JAKMIP1: variants seen among roughly 807,000 people sequenced by gnomAD.
The protein encoded by JAKMIP1 is janus kinase and microtubule interacting protein 1.
JAKMIP1 carries 33 observed loss-of-function variants against 113.0 expected under a neutral mutation model. The ratio of observed to expected loss-of-function variants is 0.29; its 90% CI spans 0.22 to 0.39. The LOEUF (loss-of-function observed/expected upper bound fraction) is 0.39, where lower values mean the gene tolerates loss of function less well. JAKMIP1 is among the 10% of genes least tolerant of loss of function. JAKMIP1 has a pLI of 1.00. For missense variants in JAKMIP1, 813 were observed against 1,080.5 expected, an observed-to-expected ratio of 0.75 and a Z score of 3.47; for synonymous variants, 480 against 459.9, an observed-to-expected ratio of 1.04 and a Z score of -0.56.
chr4:6,037,766 C>A (rs1023084999), intron 18 of JAKMIP1, among the ~76,000 whole-genome samples: 1 of 149,106 alleles, frequency 6.7e-6, no homozygotes, highest in Non-Finnish European at 1.5e-5. Context: ...CCCTCCATCA[C>A]TGAGTCAGAG....
At chr4:6,070,488 C>T (rs545817730) in intron 8 of JAKMIP1, among the ~76,000 whole-genome samples, 3 of 152,348 alleles carry the variant, frequency 2.0e-5, no homozygotes, top group Admixed American at 6.5e-5. Context: ...AGGGTGCCTT[C>T]GTCACAGAGG....
Position 6,108,425 on chromosome 4 carries a change from G to A in JAKMIP1, c.130-2458C>T, listed in dbSNP as rs114504911. Among the ~76,000 whole-genome samples the A allele has an allele frequency of 8.1e-4, 123 of 152,248 alleles. No homozygotes were observed. Among genetic ancestry groups the A allele is most frequent in the African/African-American group, 2.8e-3 (117 of 41,546 alleles). Reference sequence around the variant, plus strand: ...ACTCTAAATGCAGCCACGGCACAAAGGCCAAGAGAGGGAGCATGCCCTGGG... The same window carrying A: ...ACTCTAAATGCAGCCACGGCACAAAAGCCAAGAGAGGGAGCATGCCCTGGG... On this transcript the variant is annotated intron_variant, in intron 2 of 20. Transcript: ENST00000409021. This position sits in a 1 kb window ranked among gnomAD's most constrained non-coding sequence, Gnocchi z 5.6.
At chr4:6,083,920 T>C (rs1362015694) in intron 5 of JAKMIP1, among the ~76,000 whole-genome samples, 1 of 152,230 alleles carries the variant, frequency 6.6e-6, no homozygotes, top group Non-Finnish European at 1.5e-5. Flanking sequence ...TTCATTATTT[T>C]TAAAATTAAT....
chr4:6,147,480 C>T (rs1720998784), intron 1 of JAKMIP1, among the ~76,000 whole-genome samples: 2 of 152,236 alleles, frequency 1.3e-5, no homozygotes, highest in Non-Finnish European at 2.9e-5. Flanking sequence ...ACAGCCTCGT[C>T]TGTCTCCCAG....
chr4:6,077,126 G>A (rs1486377604), intron 8 of JAKMIP1, among the ~76,000 whole-genome samples: 1 of 152,146 alleles, frequency 6.6e-6, no homozygotes, highest in Non-Finnish European at 1.5e-5. Flanking sequence ...AAGATAGGTC[G>A]AGGTCCTAAT....
Position 6,191,948 on chromosome 4 carries a change from T to TATTTATTTATTC in JAKMIP1, c.-148+8304_-148+8305insGAATAAATAAAT, listed in dbSNP as rs1578519044. On this transcript the variant is annotated intron_variant, in intron 1 of 20. Coordinates refer to ENST00000409021, the MANE Select transcript of JAKMIP1 (RefSeq NM_001099433.2). ...TTATTTATTTATTTATTTATTTATT[T>TATTTATTTATTC]TGAGATGGAGTTTCGCTCTTGTCAC... Among the ~76,000 whole-genome samples, 8 of 152,022 alleles carry TATTTATTTATTC rather than the reference T, an allele frequency of 5.3e-5. No homozygotes were observed. In the South Asian group the frequency reaches 1.7e-3, roughly 32 times the overall value.
chr4:6,090,298 A>G (rs1246377589), intron 3 of JAKMIP1, among the ~76,000 whole-genome samples: 1 of 152,148 alleles, frequency 6.6e-6, no homozygotes, highest in Non-Finnish European at 1.5e-5. Context: ...CAGAGACTGA[A>G]GTGGTGCGAC....
At position 6,162,950 on chromosome 4, in the gene JAKMIP1, C is replaced by T. The variant is rs113883902; in HGVS notation, c.-148+37303G>A. 0.031 allele frequency among the ~76,000 whole-genome samples: 4,750 copies of T among 152,284 alleles called. 101 individuals are homozygous for T. The highest frequency in any genetic ancestry group is 0.068 in the South Asian group (328 of 4,818). On this transcript the variant is annotated intron_variant, in intron 1 of 20. Coordinates refer to ENST00000409021, the MANE Select transcript of JAKMIP1 (RefSeq NM_001099433.2). This position sits in a 1 kb window ranked among gnomAD's most constrained non-coding sequence, Gnocchi z 5.6. ...AAAGCCTCATCATGACCATGTGAGG[C>T]CACAGCATCAGACACGGGAAGATGC...
intron 4 of JAKMIP1, 82 bp from the exon 5 acceptor site, chr4:6,085,047 T>C (rs951688779): frequency 6.9e-7 from 1 of 1,445,826 alleles, no homozygotes; most frequent in African/African-American, 1.5e-5. Context: ...CTTAGAAAAT[T>C]CACATGACAT....
In JAKMIP1 at chr4:6,105,992, C is replaced by T. The variant is rs757241383; in HGVS notation, c.130-25G>A. ...CCTGCAGCCAGAGCGGCGAGAGAGC[C>T]GGTCAGGGTCAGGGTCAGGGTCAGG... On this transcript the variant is annotated intron_variant, in intron 2 of 20. Coordinates refer to ENST00000409021, the MANE Select transcript of JAKMIP1 (RefSeq NM_001099433.2). 21 of 1,502,630 alleles carry T rather than the reference C, an allele frequency of 1.4e-5. No homozygotes were observed. The Admixed American group carries it at 2.6e-4, about 19-fold the overall frequency. 93.1% of individuals were successfully genotyped at this position (1,502,630 alleles called of 1,614,324 possible). A position where few individuals can be genotyped will look rare whatever the true frequency, so the allele number is the denominator to read the frequency against.
rs1308983257 is a variant in JAKMIP1, at chr4:6,116,680, C to T, written c.-147-3683G>A. 1.3e-5 allele frequency among the ~76,000 whole-genome samples: 2 copies of T among 152,028 alleles called. No individual in the cohort carries two copies. Among genetic ancestry groups the T allele is most frequent in the East Asian group, 1.9e-4 (1 of 5,188 alleles). ...TCGTTTGTCTGTGCCTTGGCAGTGCCGGTGCCCTTTAACTGCCTACAGGAA... is the reference window on the plus strand; with the variant it reads ...TCGTTTGTCTGTGCCTTGGCAGTGCTGGTGCCCTTTAACTGCCTACAGGAA... On this transcript the variant is annotated intron_variant, in intron 1 of 20. Transcript: ENST00000409021. This position sits in a 1 kb window ranked among gnomAD's most constrained non-coding sequence, Gnocchi z 5.1.
At chr4:6,165,734 T>A (rs1246812457) in intron 1 of JAKMIP1, among the ~76,000 whole-genome samples, 1 of 152,218 alleles carries the variant, frequency 6.6e-6, no homozygotes, top group Non-Finnish European at 1.5e-5. Flanking sequence ...TGTGACTCGC[T>A]TTATTGCAAT....
rs918731086 is a variant in JAKMIP1 at position 6,108,831 on chromosome 4, A to T, written c.130-2864T>A. 1.3e-5 allele frequency among the ~76,000 whole-genome samples: 2 copies of T among 152,228 alleles called. 1 individual carries two copies. The highest frequency in any genetic ancestry group is 1.3e-4 in the Admixed American group (2 of 15,288). On this transcript the variant is annotated intron_variant, in intron 2 of 20. Transcript: ENST00000409021. The surrounding 1 kb of genome is among the most constrained non-coding windows in gnomAD (Gnocchi z 5.6). ...GCTGAAGGGAGCCATGCGGCAGTGG[A>T]TGCGTCTTGGGACATCTGTAAGAAC...
chr4:6,092,151 C>G (rs1722140624), intron 3 of JAKMIP1, among the ~76,000 whole-genome samples: 1 of 152,200 alleles, frequency 6.6e-6, no homozygotes, highest in Admixed American at 6.5e-5. Context: ...GTGCCTTTCA[C>G]TGGGTGTCCC....
intron 20 of JAKMIP1, among the ~76,000 whole-genome samples, chr4:6,029,327 G>C (rs1054890233): frequency 3.3e-5 from 5 of 152,240 alleles, no homozygotes; most frequent in Non-Finnish European, 5.9e-5. Flanking sequence ...GGGGCTCATA[G>C]AAGGTATTTA....
intron 1 of JAKMIP1, among the ~76,000 whole-genome samples, chr4:6,128,143 A>G (rs1253556367): frequency 3.3e-5 from 5 of 152,136 alleles, no homozygotes; most frequent in African/African-American, 7.2e-5. Flanking sequence ...GGCCACAGTC[A>G]TGTGGTTAGA....
At chr4:6,118,437 G>A (rs983524003) in intron 1 of JAKMIP1, among the ~76,000 whole-genome samples, 5 of 152,086 alleles carry the variant, frequency 3.3e-5, no homozygotes, top group African/African-American at 4.8e-5. Context: ...CTGGGACAAG[G>A]GGCATGTGGT....
chr4:6,094,821 T>G lies in JAKMIP1; in HGVS notation c.625-9192A>C, dbSNP rs1424152778. Among the ~76,000 whole-genome samples the G allele has an allele frequency of 6.6e-6, 1 of 151,946 alleles. No individual in the cohort carries two copies. Among genetic ancestry groups the G allele is most frequent in the Non-Finnish European group, 1.5e-5 (1 of 67,966 alleles). On this transcript the variant is annotated intron_variant, in intron 3 of 20. Transcript: ENST00000409021. This position sits in a 1 kb window ranked among gnomAD's most constrained non-coding sequence, Gnocchi z 4.2. ...CCAGCCTGGGCAACATGGAGAAACC[T>G]TGTCTCTGCAAAAAATACAAAAAAA...
chr4:6,189,992 C>T (rs1560351148), intron 1 of JAKMIP1, among the ~76,000 whole-genome samples: 1 of 152,172 alleles, frequency 6.6e-6, no homozygotes, highest in African/African-American at 2.4e-5. Flanking sequence ...GAGAAGAAAG[C>T]CCCATTAGTC....
Sources: gnomAD v4.1 joint callset for allele counts (sites outside exome capture counted in the v4.1 genomes callset) on GRCh38, gnomAD v4.1.1 for gene constraint, Gnocchi (gnomAD v3.1) non-coding constraint, MANE v1.5 for transcripts, NCBI Gene and HGNC (gene_info 2026-07-23, HGNC 2026-07-21) for gene names.